BRI3BP: variants seen among roughly 807,000 people sequenced by gnomAD.
BRI3BP encodes the protein BRI3-binding protein.
BRI3BP carries 7 observed loss-of-function variants against 15.8 expected under a neutral mutation model. The ratio of observed to expected loss-of-function variants is 0.44; its 90% CI spans 0.25 to 0.83. The LOEUF (loss-of-function observed/expected upper bound fraction) is 0.83, where lower values mean the gene tolerates loss of function less well. Ranked by LOEUF, BRI3BP falls within the 40% of genes least tolerant of loss-of-function variation. The pLI is 0.20. For missense variants in BRI3BP, 320 were observed against 339.3 expected, an observed-to-expected ratio of 0.94 and a Z score of 0.45; for synonymous variants, 192 against 163.5, an observed-to-expected ratio of 1.17 and a Z score of -1.33.
intron 2 of BRI3BP, among the ~76,000 whole-genome samples, chr12:125,024,128 G>A (rs10773137): frequency 0.48 from 72,929 of 152,076 alleles, 19,376 homozygotes; most frequent in African/African-American, 0.7. Context: ...ACAGTTCTGC[G>A]TGGCTCAGGA....
chr12:125,021,407 C>T (rs868165788), intron 2 of BRI3BP, among the ~76,000 whole-genome samples: 4 of 152,316 alleles, frequency 2.6e-5, no homozygotes, highest in Middle Eastern at 3.4e-3. Flanking sequence ...TTGTGTCACA[C>T]TTTGGTCCTC....
intron 1 of BRI3BP, among the ~76,000 whole-genome samples, chr12:124,995,108 T>C (rs1955029615): frequency 6.6e-6 from 1 of 152,212 alleles, no homozygotes; most frequent in Non-Finnish European, 1.5e-5. Context: ...GACTGCATGT[T>C]CTTACTGGAT....
chr12:125,007,329 C>G (rs1032166140), intron 1 of BRI3BP, among the ~76,000 whole-genome samples: 3 of 152,116 alleles, frequency 2.0e-5, no homozygotes, highest in African/African-American at 7.2e-5. Context: ...GCAGGCAGAT[C>G]ACCTGAGGTT....
At chr12:125,003,971 AC>A (rs1173123997) in intron 1 of BRI3BP, among the ~76,000 whole-genome samples, 8 of 65,996 alleles carry the variant, frequency 1.2e-4, no homozygotes, top group Non-Finnish European at 2.7e-4. Context: ...ACACACACAC[AC>A]ACACACACAC....
intron 1 of BRI3BP, 69 bp from the exon 2 acceptor site, chr12:125,012,465 C>T (rs1007862553): frequency 7.7e-7 from 1 of 1,305,356 alleles, no homozygotes; most frequent in African/African-American, 1.5e-5. Flanking sequence ...CTCCCAAGCT[C>T]CCCAGTTCAC....
At chr12:125,001,980 G>A (rs1313897165) in intron 1 of BRI3BP, among the ~76,000 whole-genome samples, 1 of 152,180 alleles carries the variant, frequency 6.6e-6, no homozygotes, top group African/African-American at 2.4e-5. Context: ...TTTCATAGGA[G>A]TGGAGTCCTG....
chr12:125,010,762 C>T (rs187517154), intron 1 of BRI3BP, among the ~76,000 whole-genome samples: 1 of 151,210 alleles, frequency 6.6e-6, no homozygotes, highest in African/African-American at 2.4e-5. Flanking sequence ...GGCGACAAAG[C>T]GAGACTCCAA....
At chr12:125,043,297 G>C in the BRI3BP span, among the ~76,000 whole-genome samples, 2 of 152,148 alleles carry the variant, frequency 1.3e-5, no homozygotes, top group African/African-American at 4.8e-5. Context: ...ATGTAGTGAT[G>C]CTGGCTGAAC....
chr12:125,001,713 T>G (rs12426570), intron 1 of BRI3BP, among the ~76,000 whole-genome samples: 9,150 of 148,400 alleles, frequency 0.062, 407 homozygotes, highest in Admixed American at 0.15. Flanking sequence ...TTTCTGAAGA[T>G]CACAGACTAA....
intron 2 of BRI3BP, among the ~76,000 whole-genome samples, chr12:125,018,257 A>G (rs1274771819): frequency 6.6e-6 from 1 of 152,152 alleles, no homozygotes; most frequent in Non-Finnish European, 1.5e-5. Flanking sequence ...CTTTGCTTGA[A>G]CAGTGCCTGT....
chr12:125,011,542 C>A (rs1955196127), intron 1 of BRI3BP, among the ~76,000 whole-genome samples: 1 of 152,144 alleles, frequency 6.6e-6, no homozygotes, highest in Non-Finnish European at 1.5e-5. Context: ...CTCAGCTGTA[C>A]ACCTGTGCTG....
At chr12:125,014,446 C>T (rs1456121725) in intron 2 of BRI3BP, among the ~76,000 whole-genome samples, 1 of 152,198 alleles carries the variant, frequency 6.6e-6, no homozygotes, top group Admixed American at 6.5e-5. Context: ...TTTATTGTGA[C>T]GGAAGGACGC....
intron 1 of BRI3BP, among the ~76,000 whole-genome samples, chr12:124,996,753 T>C (rs959588476): frequency 4.9e-5 from 7 of 141,940 alleles, no homozygotes; most frequent in Admixed American, 3.9e-4. Context: ...AAACACCCCA[T>C]AGTCTTTTTT....
intron 2 of BRI3BP, among the ~76,000 whole-genome samples, chr12:125,018,731 G>A (rs1480775809): frequency 1.3e-5 from 2 of 149,748 alleles, no homozygotes; most frequent in Non-Finnish European, 3.0e-5. Flanking sequence ...CCAGGCTGAA[G>A]TGCAGTGGCG....
chr12:124,997,994 C>G (rs7315071), intron 1 of BRI3BP, among the ~76,000 whole-genome samples: 8,691 of 152,140 alleles, frequency 0.057, 815 homozygotes, highest in African/African-American at 0.2. Context: ...CGTGGTGATG[C>G]ATGCCTGTAA....
chr12:125,040,570 C>T, the BRI3BP span, among the ~76,000 whole-genome samples: 9 of 151,258 alleles, frequency 6.0e-5, no homozygotes, highest in South Asian at 4.2e-4. Flanking sequence ...CTTGCACCCC[C>T]GACTTCAGGT....
At chr12:125,006,498 G>A (rs1411550010) in intron 1 of BRI3BP, among the ~76,000 whole-genome samples, 2 of 152,170 alleles carry the variant, frequency 1.3e-5, no homozygotes. Context: ...CCTCAGGCAC[G>A]CCAGCTTCTC....
chr12:125,041,938 C>T, the BRI3BP span, among the ~76,000 whole-genome samples: 27 of 152,328 alleles, frequency 1.8e-4, no homozygotes, highest in Admixed American at 8.5e-4. Context: ...AAGCGATCCT[C>T]CTGCCTTGAC....
At chr12:125,045,951 G>A in the BRI3BP span, among the ~76,000 whole-genome samples, 1 of 152,038 alleles carries the variant, frequency 6.6e-6, no homozygotes, top group African/African-American at 2.4e-5. Context: ...GATCACCTGA[G>A]GTCAGGAGTT....
Sources: gnomAD v4.1 joint callset for allele counts (sites outside exome capture counted in the v4.1 genomes callset) on GRCh38, gnomAD v4.1.1 for gene constraint, MANE v1.5 for transcripts, NCBI Gene and HGNC (gene_info 2026-07-23, HGNC 2026-07-21) for gene names.